The following SEC24D variants were observed in gnomAD, a reference collection of about 807,000 sequenced individuals.
SEC24D encodes the protein protein transport protein Sec24D.
In SEC24D, 69 loss-of-function variants were observed where a neutral mutation model predicts 116.9. That is an observed-to-expected ratio of 0.59 (90% CI 0.49 to 0.72). SEC24D has a LOEUF of 0.72. Among genes scored for constraint, SEC24D ranks in the 30% least tolerant of loss-of-function variants. The pLI, the probability that SEC24D is intolerant of heterozygous loss-of-function variation, is 0.00. For synonymous variants in SEC24D, 405 were observed against 442.8 expected, an observed-to-expected ratio of 0.91 and a Z score of 1.07; for missense variants, 1,131 against 1,264.1, an observed-to-expected ratio of 0.89 and a Z score of 1.60.
At chr4:118,777,843 G>T (rs1357015928) in intron 8 of SEC24D, among the ~76,000 whole-genome samples, 1 of 152,190 alleles carries the variant, frequency 6.6e-6, no homozygotes, top group Non-Finnish European at 1.5e-5. Flanking sequence ...GTTTTGACTT[G>T]CATTTCTTTG....
chr4:118,807,605 T>C (rs1231509784), intron 6 of SEC24D, among the ~76,000 whole-genome samples: 1 of 152,136 alleles, frequency 6.6e-6, no homozygotes, highest in Non-Finnish European at 1.5e-5. Flanking sequence ...GTTTTTAATA[T>C]TCTTAAAACC....
At chr4:118,751,033 T>C (rs1251741448) in intron 13 of SEC24D, among the ~76,000 whole-genome samples, 4 of 152,144 alleles carry the variant, frequency 2.6e-5, no homozygotes, top group African/African-American at 7.2e-5. Context: ...GTTTTTGTTA[T>C]TATTACTAAG....
At chr4:118,734,901 C>T (rs1725879342) in intron 19 of SEC24D, among the ~76,000 whole-genome samples, 1 of 152,170 alleles carries the variant, frequency 6.6e-6, no homozygotes, top group Non-Finnish European at 1.5e-5. Context: ...TAAAAAGATG[C>T]AGGAACCAGA....
rs80030657 is a variant in SEC24D at position 118,787,545 on chromosome 4, G to A, written c.1041+10138C>T. 6.4e-3 allele frequency among the ~76,000 whole-genome samples: 973 copies of A among 152,298 alleles called. 10 individuals are homozygous for A. The highest frequency in any genetic ancestry group is 0.022 in the African/African-American group (925 of 41,560). On this transcript the variant is annotated intron_variant, in intron 8 of 22. Transcript: ENST00000280551. ...TTTAAAGTTGAGGCTGGATGTGGTG[G>A]CTCAAGTCTATAATCCCGGCACTTT...
At chr4:118,811,276 A>G (rs1348615886) in intron 6 of SEC24D, among the ~76,000 whole-genome samples, 2 of 152,198 alleles carry the variant, frequency 1.3e-5, no homozygotes, top group Admixed American at 1.3e-4. Flanking sequence ...TAATGATGGG[A>G]GGCATCATAG....
At chr4:118,785,820 G>T (rs1578433019) in intron 8 of SEC24D, among the ~76,000 whole-genome samples, 1 of 151,988 alleles carries the variant, frequency 6.6e-6, no homozygotes, top group Non-Finnish European at 1.5e-5. Flanking sequence ...CACTGAAGGG[G>T]TTTGATGACA....
intron 6 of SEC24D, among the ~76,000 whole-genome samples, chr4:118,814,082 T>A (rs1266259075): frequency 6.6e-6 from 1 of 152,276 alleles, no homozygotes; most frequent in African/African-American, 2.4e-5. Context: ...CAAGTACTTA[T>A]GTTTATCGAA....
At chr4:118,784,306 GATGAC>G (rs1560693106) in intron 8 of SEC24D, among the ~76,000 whole-genome samples, 2 of 152,136 alleles carry the variant, frequency 1.3e-5, no homozygotes, top group Non-Finnish European at 2.9e-5. Context: ...TAAGAGGAAA[GATGAC>G]TTGTTATCAA....
At chr4:118,820,976 T>G (rs1208550008) in intron 3 of SEC24D, among the ~76,000 whole-genome samples, 1 of 152,200 alleles carries the variant, frequency 6.6e-6, no homozygotes, top group Non-Finnish European at 1.5e-5. Flanking sequence ...CTGTGGCCTG[T>G]TCAACTTCAA....
chr4:118,798,636 T>C (rs956119921), intron 7 of SEC24D, among the ~76,000 whole-genome samples: 2 of 152,172 alleles, frequency 1.3e-5, no homozygotes, highest in Non-Finnish European at 2.9e-5. Flanking sequence ...ACAATGAATA[T>C]TACGCCTAAT....
chr4:118,731,267 G>A lies in SEC24D; in HGVS notation c.2868+49C>T, dbSNP rs746648425. On this transcript the variant is annotated intron_variant, in intron 21 of 22. Coordinates refer to ENST00000280551, the MANE Select transcript of SEC24D (RefSeq NM_014822.4). ...ACTGCACATAAATAAAAACATTTAC[G>A]AATTTATATTTTTCATATTACCACA... is the stretch of plus-strand genomic sequence containing the variant. 3.0e-5 allele frequency: 44 copies of A among 1,468,248 alleles called. 1 individual carries two copies. The highest frequency in any genetic ancestry group is 2.3e-4 in the South Asian group (20 of 86,068). 91.0% of individuals were successfully genotyped at this position (1,468,248 alleles called of 1,614,324 possible). A position where few individuals can be genotyped will look rare whatever the true frequency, so the allele number is the denominator to read the frequency against.
chr4:118,724,302 G>A (rs1725297898), intron 22 of SEC24D, among the ~76,000 whole-genome samples: 1 of 152,084 alleles, frequency 6.6e-6, no homozygotes, highest in Non-Finnish European at 1.5e-5. Flanking sequence ...GAGAACTCCT[G>A]TCCTTTGCTC....
chr4:118,727,031 C>G (rs1725450816), intron 22 of SEC24D, among the ~76,000 whole-genome samples: 1 of 152,162 alleles, frequency 6.6e-6, no homozygotes, highest in Admixed American at 6.6e-5. Context: ...TGGGACTAAG[C>G]AGCTAGTACA....
chr4:118,788,857 T>C (rs1578436231), intron 8 of SEC24D, among the ~76,000 whole-genome samples: 1 of 152,312 alleles, frequency 6.6e-6, no homozygotes, highest in Non-Finnish European at 1.5e-5. Context: ...CACCATTCTG[T>C]GATATGGTTT....
chr4:118,764,558 T>A (rs910403728), intron 10 of SEC24D: 52 of 374,728 alleles, frequency 1.4e-4, no homozygotes, highest in Middle Eastern at 7.2e-4. Context: ...ACATAAAAAA[T>A]TATTGTTTTC....
chr4:118,738,178 T>C, intron 19 of SEC24D, 83 bp downstream of exon 19: 1 of 913,726 alleles, frequency 1.1e-6, no homozygotes, highest in Non-Finnish European at 1.8e-6. Flanking sequence ...GCCTGCAACA[T>C]CATAAGCCTT....
At chr4:118,733,303 A>AT (rs1328094131) in intron 19 of SEC24D, 1 of 158,738 alleles carries the variant, frequency 6.3e-6, no homozygotes, top group African/African-American at 2.4e-5. Context: ...TTGGGTTATG[A>AT]TAATTAAATG....
chr4:118,800,184 A>G (rs1233901042), intron 7 of SEC24D, among the ~76,000 whole-genome samples: 1 of 152,198 alleles, frequency 6.6e-6, no homozygotes, highest in Non-Finnish European at 1.5e-5. Flanking sequence ...AGGAGGATGT[A>G]AAGCAGCTAA....
At chr4:118,834,089 C>T (rs1255218646) in intron 1 of SEC24D, among the ~76,000 whole-genome samples, 1 of 152,222 alleles carries the variant, frequency 6.6e-6, no homozygotes, top group East Asian at 1.9e-4. Flanking sequence ...CACATTTCAG[C>T]ACAGAGCACA....
Sources: allele counts gnomAD v4.1 joint callset (sites outside exome capture counted in the v4.1 genomes callset), GRCh38; gene constraint gnomAD v4.1.1; transcripts MANE v1.5; gene names NCBI Gene and HGNC (gene_info 2026-07-23, HGNC 2026-07-21).